The following BRAF variants were observed in gnomAD, a reference collection of about 807,000 sequenced individuals.
BRAF encodes serine/threonine-protein kinase B-raf.
Under a neutral mutation model 104.6 loss-of-function variants are expected in BRAF, and 16 were observed. That is an observed-to-expected ratio of 0.15 (90% CI 0.10 to 0.23). The LOEUF (loss-of-function observed/expected upper bound fraction) is 0.23, where lower values mean the gene tolerates loss of function less well. Among genes scored for constraint, BRAF ranks in the 10% least tolerant of loss-of-function variants. BRAF has a pLI of 1.00. For synonymous variants in BRAF, 310 were observed against 341.6 expected, an observed-to-expected ratio of 0.91 and a Z score of 1.02; for missense variants, 541 against 937.3, an observed-to-expected ratio of 0.58 and a Z score of 5.52.
chr7:140,801,284 A>T (rs1235751915), intron 6 of BRAF, 128 bp downstream of exon 6: 4 of 1,035,738 alleles, frequency 3.9e-6, no homozygotes, highest in African/African-American at 3.2e-5. Flanking sequence ...AACTACACTT[A>T]AAAAAAATTC....
In BRAF at chr7:140,724,021, T is replaced by C. The variant is rs1466141047; in HGVS notation, c.*2473A>G. The C allele has an allele frequency of 3.8e-6, 4 of 1,044,160 alleles. No individual in the cohort carries two copies. Among genetic ancestry groups the C allele is most frequent in the Admixed American group, 5.6e-5 (1 of 17,976 alleles). 64.7% of individuals were successfully genotyped at this position (1,044,160 alleles called of 1,614,324 possible). A position where few individuals can be genotyped will look rare whatever the true frequency, so the allele number is the denominator to read the frequency against. Reference sequence around the variant, plus strand: ...TTTAAATATTTTATTTTTTAAGGTATCTATAAAAATCTCAATATGCTAAGC... The same window carrying C: ...TTTAAATATTTTATTTTTTAAGGTACCTATAAAAATCTCAATATGCTAAGC... On this transcript the variant is annotated 3_prime_UTR_variant, in exon 20 of 20. Coordinates refer to ENST00000644969, the MANE Select transcript of BRAF (RefSeq NM_001374258.1).
Position 140,924,778 on chromosome 7 carries a change from G to A in BRAF, c.-75C>T, listed in dbSNP as rs1343849597. The A allele has an allele frequency of 1.0e-5, 5 of 482,548 alleles. No individual in the cohort carries two copies. The highest frequency in any genetic ancestry group is 2.1e-5 in the African/African-American group (1 of 47,822). The allele number at this position is 482,548 out of a possible 1,614,324, so 29.9% of individuals were successfully genotyped here. On this transcript the variant is annotated 5_prime_UTR_variant, in exon 1 of 20. Coordinates refer to ENST00000644969, the MANE Select transcript of BRAF (RefSeq NM_001374258.1). This position sits in a 1 kb window ranked among gnomAD's most constrained non-coding sequence, Gnocchi z 4.2. ...GGAAGGGAGGCGGAGAGCTGGGGGA[G>A]GCGGAGGCGGAGGCGGAGGCGGAGG...
chr7:140,857,349 G>A (rs923503844), intron 1 of BRAF, among the ~76,000 whole-genome samples: 3 of 152,160 alleles, frequency 2.0e-5, no homozygotes, highest in Non-Finnish European at 4.4e-5. Flanking sequence ...TGTCTCTAGA[G>A]AGAGCAAAGT....
chr7:140,748,161 A>AT (rs1192610688), intron 17 of BRAF, among the ~76,000 whole-genome samples: 3 of 152,340 alleles, frequency 2.0e-5, no homozygotes, highest in Non-Finnish European at 2.9e-5. Flanking sequence ...TATTTCTCCG[A>AT]TATCACAATA....
chr7:140,783,129 G>C lies in BRAF; in HGVS notation c.1326C>G (p.Pro442=), dbSNP rs201758035. The change falls in exon 11 of 20, where the codon CCC becomes CCG. Residue 442 remains proline, a synonymous_variant. Coordinates refer to ENST00000644969, the MANE Select transcript of BRAF (RefSeq NM_001374258.1). The part of the protein sequence containing the change: ...RGSTTGLSAT[P]PASLPGSLTN... ...TTAGTGAGCCAGGTAATGAGGCAGG[G>C]GGGGTAGCAGACAAACCTGTGGTTG... is the stretch of plus-strand genomic sequence containing the variant. 1.2e-6 allele frequency: 2 copies of C among 1,613,932 alleles called. No individual in the cohort carries two copies. The highest frequency in any genetic ancestry group is 2.2e-5 in the East Asian group (1 of 44,872).
chr7:140,909,896 T>C (rs10278608), intron 1 of BRAF, among the ~76,000 whole-genome samples: 4,318 of 152,112 alleles, frequency 0.028, 212 homozygotes, highest in African/African-American at 0.097. Context: ...CTCACATCAT[T>C]ATGATCACTT....
intron 3 of BRAF, among the ~76,000 whole-genome samples, chr7:140,809,250 G>A (rs549512491): frequency 6.6e-6 from 1 of 152,126 alleles, no homozygotes; most frequent in Admixed American, 6.5e-5. Context: ...CATATAAAAA[G>A]AAGAAGTAAC....
chr7:140,908,074 T>C (rs1381679369), intron 1 of BRAF, among the ~76,000 whole-genome samples: 3 of 152,232 alleles, frequency 2.0e-5, no homozygotes, highest in Non-Finnish European at 2.9e-5. Context: ...TCTTTTGTTC[T>C]TCAAGTTTGT....
At chr7:140,760,880 G>A (rs1315348340) in intron 14 of BRAF, among the ~76,000 whole-genome samples, 1 of 152,140 alleles carries the variant, frequency 6.6e-6, no homozygotes, top group Non-Finnish European at 1.5e-5. Context: ...CAAGAAATAT[G>A]GGACTATGTG....
intron 1 of BRAF, among the ~76,000 whole-genome samples, chr7:140,860,655 A>AATAC (rs967571242): frequency 2.0e-5 from 3 of 152,154 alleles, no homozygotes; most frequent in Admixed American, 6.5e-5. Context: ...TGTCTCAAAA[A>AATAC]ATACATACAT....
chr7:140,799,824 A>G (rs1802898297), intron 7 of BRAF: 3 of 243,608 alleles, frequency 1.2e-5, no homozygotes, highest in Admixed American at 1.0e-4. Context: ...ATTGTCTCAC[A>G]TATCAATGCT....
chr7:140,754,078 A>C, intron 15 of BRAF, 109 bp downstream of exon 14: 1 of 1,112,878 alleles, frequency 9.0e-7, no homozygotes, highest in South Asian at 1.3e-5. Flanking sequence ...TTCTCTTTAC[A>C]GTATATCGAA....
chr7:140,799,215 A>AT, intron 7 of BRAF: 1 of 225,720 alleles, frequency 4.4e-6, no homozygotes, highest in East Asian at 6.3e-5. Context: ...AATACTGTTC[A>AT]TTTTTTTCTT....
At chr7:140,771,754 T>A (rs1261440282) in intron 14 of BRAF, among the ~76,000 whole-genome samples, 3 of 152,252 alleles carry the variant, frequency 2.0e-5, no homozygotes, top group African/African-American at 7.2e-5. Context: ...TGGTCAGTCC[T>A]TTGTGAGATG....
At chr7:140,846,807 T>A (rs1808598219) in intron 2 of BRAF, among the ~76,000 whole-genome samples, 1 of 152,178 alleles carries the variant, frequency 6.6e-6, no homozygotes, top group African/African-American at 2.4e-5. Flanking sequence ...GGCCTTTAAA[T>A]ATCAGTATGT....
chr7:140,801,615 A>T (rs1057340657), intron 5 of BRAF, 55 bp from the exon 6 acceptor site: 61 of 1,540,958 alleles, frequency 4.0e-5, no homozygotes, highest in Non-Finnish European at 5.1e-5. Flanking sequence ...ACTTTCTAGA[A>T]ACTGACGTAT....
Position 140,724,505 on chromosome 7 carries a change from T to G in BRAF, c.*1989A>C. On this transcript the variant is annotated 3_prime_UTR_variant, in exon 20 of 20. Transcript: ENST00000644969. Reference sequence around the variant, plus strand: ...TTTGTAAGACACTGCCCTGCTGATGTAAAACTTAAAAACAAATTTGCTTTT... The same window carrying G: ...TTTGTAAGACACTGCCCTGCTGATGGAAAACTTAAAAACAAATTTGCTTTT... 9.5e-7 allele frequency: 1 copy of G among 1,050,210 alleles called. No homozygotes were observed. The highest frequency in any genetic ancestry group is 1.1e-6 in the Non-Finnish European group (1 of 869,892). The allele number at this position is 1,050,210 out of a possible 1,614,324, so 65.1% of individuals were successfully genotyped here.
At chr7:140,767,686 T>A (rs1799459923) in intron 14 of BRAF, among the ~76,000 whole-genome samples, 2 of 151,998 alleles carry the variant, frequency 1.3e-5, no homozygotes, top group South Asian at 4.2e-4. Flanking sequence ...CTACTTGAAG[T>A]TTTCGAAGGG....
chr7:140,791,366 C>G (rs943284696), intron 8 of BRAF, among the ~76,000 whole-genome samples: 7 of 152,176 alleles, frequency 4.6e-5, no homozygotes, highest in African/African-American at 1.7e-4. Flanking sequence ...CTGACACCAA[C>G]TACTTTGGTA....
Sources: allele counts gnomAD v4.1 joint callset (sites outside exome capture counted in the v4.1 genomes callset), GRCh38; gene constraint gnomAD v4.1.1; non-coding constraint Gnocchi (gnomAD v3.1); transcripts MANE v1.5; gene names NCBI Gene and HGNC (gene_info 2026-07-23, HGNC 2026-07-21).